KIF6: variants seen among roughly 807,000 people sequenced by gnomAD.
The protein encoded by KIF6 is kinesin family member 6, also known as kinesin-like protein KIF6.
Under a neutral mutation model 112.7 loss-of-function variants are expected in KIF6, and 106 were observed. The ratio of observed to expected loss-of-function variants is 0.94; its 90% confidence interval spans 0.80 to 1.11. The LOEUF (loss-of-function observed/expected upper bound fraction) is 1.11, where lower values mean the gene tolerates loss of function less well. KIF6 is among the 50% of genes least tolerant of loss of function. The pLI is 0.00. For missense variants in KIF6, 929 were observed against 964.0 expected (o/e 0.96, Z 0.48); for synonymous variants, 339 against 339.9 (o/e 1.00, Z 0.03).
intron 13 of KIF6, among the ~76,000 whole-genome samples, chr6:39,498,412 C>T (rs1046908991): frequency 7.2e-5 from 11 of 152,204 alleles, no homozygotes; most frequent in Admixed American, 4.6e-4. Flanking sequence ...AAGAACAGCA[C>T]AATGAATGTT....
intron 16 of KIF6, among the ~76,000 whole-genome samples, chr6:39,381,176 T>C (rs1766899033): frequency 6.6e-6 from 1 of 152,204 alleles, no homozygotes; most frequent in Non-Finnish European, 1.5e-5. Flanking sequence ...AGACATATTC[T>C]TATGCAAAAC....
chr6:39,443,487 A>C (rs555357742), intron 13 of KIF6, among the ~76,000 whole-genome samples: 77 of 152,230 alleles, frequency 5.1e-4, no homozygotes, highest in Middle Eastern at 6.8e-3. Flanking sequence ...TCTATTGCCC[A>C]GGCTGGAGTA....
intron 13 of KIF6, among the ~76,000 whole-genome samples, chr6:39,491,544 G>C (rs1775482720): frequency 6.6e-6 from 1 of 152,158 alleles, no homozygotes; most frequent in African/African-American, 2.4e-5. Context: ...TAGCTAACCA[G>C]CAGATTTCCG....
At chr6:39,365,207 T>G (rs1278336146) in intron 16 of KIF6, among the ~76,000 whole-genome samples, 1 of 152,242 alleles carries the variant, frequency 6.6e-6, no homozygotes, top group African/African-American at 2.4e-5. Flanking sequence ...CCAGGTGCCA[T>G]TGACCCCCCT....
Position 39,640,935 on chromosome 6 carries a change from C to T in KIF6, c.252-1178G>A, listed in dbSNP as rs149948603. 7.9e-4 allele frequency among the ~76,000 whole-genome samples: 120 copies of T among 152,186 alleles called. 1 individual carries two copies. Among genetic ancestry groups the T allele is most frequent in the African/African-American group, 2.5e-3 (105 of 41,536 alleles). On this transcript the variant is annotated intron_variant, in intron 3 of 22. Transcript: ENST00000287152. ...TTTAATGGACTTAGTACAGGGAATG[C>T]GCAAGAAAGTATTGTAACTGTGTGA...
intron 13 of KIF6, among the ~76,000 whole-genome samples, chr6:39,533,311 T>C (rs1388152275): frequency 2.6e-5 from 4 of 152,188 alleles, no homozygotes; most frequent in Admixed American, 2.6e-4. Flanking sequence ...CCCACCCTAA[T>C]ACTGCGCTTT....
intron 2 of KIF6, chr6:39,715,031 C>T (rs1789752141): frequency 1.0e-5 from 3 of 301,346 alleles, no homozygotes; most frequent in Non-Finnish European, 1.8e-5. Flanking sequence ...AACCAAATAA[C>T]AAATTGTGTG....
At chr6:39,337,242 TTTC>T (rs1442907147) in intron 22 of KIF6, among the ~76,000 whole-genome samples, 3 of 100,014 alleles carry the variant, frequency 3.0e-5, no homozygotes, top group Non-Finnish European at 5.5e-5. Flanking sequence ...TTTCTTTTTC[TTTC>T]TTTTCTTTCC....
At chr6:39,548,130 C>A (rs927434797) in intron 10 of KIF6, among the ~76,000 whole-genome samples, 1 of 152,170 alleles carries the variant, frequency 6.6e-6, no homozygotes, top group African/African-American at 2.4e-5. Context: ...TTAATCAATT[C>A]TTTCTTCTTG....
chr6:39,352,315 C>G (rs1259293236), intron 19 of KIF6, among the ~76,000 whole-genome samples: 1 of 152,178 alleles, frequency 6.6e-6, no homozygotes, highest in Non-Finnish European at 1.5e-5. Flanking sequence ...GGGGTTCACT[C>G]TTTGTGCTGT....
chr6:39,356,825 C>G (rs777216013), intron 19 of KIF6, among the ~76,000 whole-genome samples: 6 of 152,170 alleles, frequency 3.9e-5, no homozygotes, highest in Non-Finnish European at 7.3e-5. Flanking sequence ...GAGACTGGCT[C>G]TGGGCCATCC....
At chr6:39,539,721 C>A (rs1358643396) in intron 13 of KIF6, among the ~76,000 whole-genome samples, 1 of 152,176 alleles carries the variant, frequency 6.6e-6, no homozygotes, top group East Asian at 1.9e-4. Context: ...ATCATATCAG[C>A]AATATCTGAT....
chr6:39,410,935 G>A (rs1769430502), intron 15 of KIF6, among the ~76,000 whole-genome samples: 2 of 152,134 alleles, frequency 1.3e-5, no homozygotes, highest in South Asian at 2.1e-4. Context: ...TTTCCTCCTT[G>A]GTCATAGTTT....
intron 3 of KIF6, among the ~76,000 whole-genome samples, chr6:39,650,197 G>A (rs1002657031): frequency 2.0e-5 from 3 of 152,086 alleles, no homozygotes; most frequent in South Asian, 2.1e-4. Flanking sequence ...AAGGATCTTC[G>A]AGGTCTTAAG....
intron 13 of KIF6, among the ~76,000 whole-genome samples, chr6:39,509,866 A>G (rs1015575586): frequency 6.6e-6 from 1 of 152,224 alleles, no homozygotes; most frequent in Non-Finnish European, 1.5e-5. Flanking sequence ...ATTCAAATTC[A>G]GAAAATACAG....
chr6:39,684,790 GAA>G (rs758624260), intron 3 of KIF6, among the ~76,000 whole-genome samples: 4 of 132,932 alleles, frequency 3.0e-5, no homozygotes, highest in Non-Finnish European at 3.2e-5. Flanking sequence ...ACTCTGTCTC[GAA>G]AAAAAAAAAA....
chr6:39,700,011 T>G (rs1034775047), intron 3 of KIF6, among the ~76,000 whole-genome samples: 2 of 152,234 alleles, frequency 1.3e-5, no homozygotes, highest in Non-Finnish European at 2.9e-5. Context: ...ATTTTTTAGC[T>G]TTTTAATTTT....
chr6:39,595,581 A>C (rs772667258), intron 7 of KIF6, among the ~76,000 whole-genome samples: 1 of 152,252 alleles, frequency 6.6e-6, no homozygotes, highest in Non-Finnish European at 1.5e-5. Flanking sequence ...TGAATGTATA[A>C]ACAGCATGTG....
At chr6:39,345,852 G>A (rs1453057946) in intron 20 of KIF6, 63 bp from the exon 21 acceptor site, 3 of 1,215,076 alleles carry the variant, frequency 2.5e-6, no homozygotes, top group Non-Finnish European at 3.6e-6. Flanking sequence ...GGAAATTCAG[G>A]GTTTATATCT....
Sources: gnomAD v4.1 joint callset for allele counts (sites outside exome capture counted in the v4.1 genomes callset) on GRCh38, gnomAD v4.1.1 for gene constraint, MANE v1.5 for transcripts, NCBI Gene and HGNC (gene_info 2026-07-23, HGNC 2026-07-21) for gene names.